METTL15: variants seen among roughly 807,000 people sequenced by gnomAD.
The protein encoded by METTL15 is methyltransferase 15, mitochondrial 12S rRNA N4-cytidine.
Under a neutral mutation model 38.3 loss-of-function variants are expected in METTL15, and 34 were observed. The observed-to-expected ratio is 0.89, with a 90% confidence interval of 0.68 to 1.18. METTL15 has a LOEUF of 1.18. METTL15 is among the 50% of genes most tolerant of loss of function. The probability of loss-of-function intolerance (pLI) is 0.00; values close to 1 mark genes in which losing one functional copy is unlikely to be tolerated. For synonymous variants in METTL15, 162 were observed against 170.9 expected (o/e 0.95, Z 0.41); for missense variants, 438 against 498.4 (o/e 0.88, Z 1.15).
At position 28,137,060 on chromosome 11, in the gene METTL15, A is replaced by G. The variant is rs56788856; in HGVS notation, c.270+23456A>G. ...GAACTTTATAGATAATTTTTATCCAATCTTAGCCAGTTTGACCATGAGGTG... is the reference window on the plus strand; with the variant it reads ...GAACTTTATAGATAATTTTTATCCAGTCTTAGCCAGTTTGACCATGAGGTG... On this transcript the variant is annotated intron_variant, in intron 3 of 6. Transcript: ENST00000407364. Among the ~76,000 whole-genome samples the G allele has an allele frequency of 4.5e-3, 691 of 152,088 alleles. 7 individuals are homozygous for G. Among genetic ancestry groups the G allele is most frequent in the African/African-American group, 0.016 (648 of 41,490 alleles).
chr11:28,210,821 A>C (rs1852601905), intron 3 of METTL15, among the ~76,000 whole-genome samples: 2 of 151,994 alleles, frequency 1.3e-5, no homozygotes. Flanking sequence ...TTTGTCTTGA[A>C]TTAGCCAGTC....
At chr11:28,203,027 G>C (rs186379064) in intron 3 of METTL15, among the ~76,000 whole-genome samples, 1 of 152,096 alleles carries the variant, frequency 6.6e-6, no homozygotes, top group East Asian at 1.9e-4. Flanking sequence ...CAAATGCCTT[G>C]ATTTCTGTCA....
intron 4 of METTL15, among the ~76,000 whole-genome samples, chr11:28,245,275 C>T (rs1046427920): frequency 2.0e-5 from 3 of 152,094 alleles, no homozygotes; most frequent in African/African-American, 4.8e-5. Context: ...TAATTATCTG[C>T]CTCGTCACTT....
Position 28,459,562 on chromosome 11 carries a change from A to G in METTL15, c.*424+35198A>G, listed in dbSNP as rs181702705. On this transcript the variant is annotated intron_variant and NMD_transcript_variant, in intron 6 of 7. Transcript: ENST00000532947. ...TTGCTGAAATGCTATCTTCTTTTGG[A>G]ATCAAGTTACTCCTATGATCAATTT... Among the ~76,000 whole-genome samples, 345 of 152,252 alleles carry G rather than the reference A, an allele frequency of 2.3e-3. 1 individual carries two copies. The highest frequency in any genetic ancestry group is 4.3e-3 in the Non-Finnish European group (292 of 68,002).
At chr11:28,401,237 T>C (rs1172407537) in intron 5 of METTL15, among the ~76,000 whole-genome samples, 3 of 152,134 alleles carry the variant, frequency 2.0e-5, no homozygotes, top group Admixed American at 6.6e-5. Flanking sequence ...ACAATCATTA[T>C]GACTTGCCTG....
chr11:28,216,201 T>C (rs545599971), intron 4 of METTL15, among the ~76,000 whole-genome samples: 1 of 152,164 alleles, frequency 6.6e-6, no homozygotes, highest in East Asian at 1.9e-4. Flanking sequence ...AATTAAAAAG[T>C]AAGAGGAAAC....
At chr11:28,373,731 G>A (rs1254244125) in intron 5 of METTL15, among the ~76,000 whole-genome samples, 1 of 152,132 alleles carries the variant, frequency 6.6e-6, no homozygotes, top group African/African-American at 2.4e-5. Context: ...TAGACATGAA[G>A]TCCTTGCCCG....
At chr11:28,272,023 A>G (rs565919886) in intron 4 of METTL15, among the ~76,000 whole-genome samples, 1 of 152,314 alleles carries the variant, frequency 6.6e-6, no homozygotes, top group South Asian at 2.1e-4. Context: ...ATGAGATACC[A>G]TTTCACGCCA....
chr11:28,470,928 T>C (rs1851298478), intron 6 of METTL15, among the ~76,000 whole-genome samples: 1 of 152,106 alleles, frequency 6.6e-6, no homozygotes, highest in Non-Finnish European at 1.5e-5. Flanking sequence ...TTAACCACAA[T>C]CCCCCTACCC....
At chr11:28,292,935 A>G (rs1856579484) in intron 5 of METTL15, among the ~76,000 whole-genome samples, 1 of 151,964 alleles carries the variant, frequency 6.6e-6, no homozygotes, top group Admixed American at 6.6e-5. Context: ...GTTGGAGTTC[A>G]TTGTAGATTC....
At chr11:28,502,899 C>A (rs1018630654) in intron 6 of METTL15, among the ~76,000 whole-genome samples, 1 of 152,074 alleles carries the variant, frequency 6.6e-6, no homozygotes, top group African/African-American at 2.4e-5. Context: ...AAATAGTAGT[C>A]ATAATTATGT....
chr11:28,412,893 G>T (rs1850740987), intron 5 of METTL15, among the ~76,000 whole-genome samples: 1 of 151,844 alleles, frequency 6.6e-6, no homozygotes, highest in South Asian at 2.1e-4. Context: ...AATTTTAACT[G>T]CTCCTGTCAC....
At chr11:28,449,687 G>A (rs1012300320) in intron 6 of METTL15, among the ~76,000 whole-genome samples, 15 of 152,108 alleles carry the variant, frequency 9.9e-5, no homozygotes, top group African/African-American at 3.4e-4. Flanking sequence ...TGGAAATGAC[G>A]CTTCAGTTCT....
downstream of METTL15, among the ~76,000 whole-genome samples, chr11:28,337,042 GC>G (rs534546450): frequency 2.3e-3 from 351 of 152,052 alleles, no homozygotes; most frequent in Middle Eastern, 0.014. Context: ...GCTAATGTGT[GC>G]ATTTGTGGCT....
At chr11:28,267,212 G>A (rs1262625208) in intron 4 of METTL15, among the ~76,000 whole-genome samples, 4 of 150,784 alleles carry the variant, frequency 2.7e-5, no homozygotes, top group Admixed American at 1.3e-4. Flanking sequence ...GGCTTCTAGG[G>A]CCCTCCAGTG....
intron 4 of METTL15, chr11:28,361,802 C>T (rs983666793): frequency 6.6e-6 from 1 of 152,152 alleles, no homozygotes; most frequent in Non-Finnish European, 1.5e-5. Context: ...CCCCTGAACA[C>T]AGGACTCCTC....
intron 5 of METTL15, among the ~76,000 whole-genome samples, chr11:28,376,329 CT>C (rs1406541255): frequency 2.6e-5 from 4 of 151,910 alleles, no homozygotes; most frequent in Non-Finnish European, 5.9e-5. Context: ...TCAGGACTTG[CT>C]TTATGAATCT....
chr11:28,385,201 G>A (rs979147074), intron 5 of METTL15, among the ~76,000 whole-genome samples: 1 of 152,066 alleles, frequency 6.6e-6, no homozygotes, highest in African/African-American at 2.4e-5. Context: ...TGACATCTTT[G>A]TTATGAAATC....
At chr11:28,371,720 A>C (rs544770446) in intron 5 of METTL15, among the ~76,000 whole-genome samples, 6 of 152,084 alleles carry the variant, frequency 3.9e-5, no homozygotes, top group African/African-American at 1.4e-4. Flanking sequence ...TCTTTGCTTA[A>C]ATTAACTTCT....
Sources: allele counts gnomAD v4.1 joint callset (sites outside exome capture counted in the v4.1 genomes callset), GRCh38; gene constraint gnomAD v4.1.1; transcripts MANE v1.5; gene names NCBI Gene and HGNC (gene_info 2026-07-23, HGNC 2026-07-21).